Variants in EPS8 observed in about 807,000 individuals in gnomAD.
EPS8 encodes the protein EGFR pathway substrate 8, signaling adaptor.
A neutral mutation model predicts 103.8 loss-of-function variants in EPS8; 42 were observed. That is an observed-to-expected ratio of 0.40 (90% CI 0.32 to 0.52). The LOEUF (loss-of-function observed/expected upper bound fraction) is 0.52. Ranked by LOEUF, EPS8 falls within the 20% of genes least tolerant of loss-of-function variation. The probability of loss-of-function intolerance (pLI) is 0.40; values close to 1 mark genes in which losing one functional copy is unlikely to be tolerated. For synonymous variants in EPS8, 344 were observed against 344.6 expected, an observed-to-expected ratio of 1.00 and a Z score of 0.02; for missense variants, 969 against 1,005.1, an observed-to-expected ratio of 0.96 and a Z score of 0.49.
chr12:15,649,922 G>A (rs1945382580), intron 14 of EPS8, among the ~76,000 whole-genome samples: 1 of 152,046 alleles, frequency 6.6e-6, no homozygotes, highest in Non-Finnish European at 1.5e-5. Flanking sequence ...AGGATTTCGG[G>A]AAGATCTAGT....
intron 17 of EPS8, among the ~76,000 whole-genome samples, chr12:15,636,099 G>A (rs1409056470): frequency 1.3e-5 from 2 of 152,090 alleles, no homozygotes; most frequent in African/African-American, 4.8e-5. Flanking sequence ...GGTAATTCTA[G>A]CAGACGAGCA....
chr12:15,784,686 T>C lies in EPS8; in HGVS notation c.-22+4475A>G, dbSNP rs1335745257. On this transcript the variant is annotated intron_variant, in intron 1 of 20. Transcript: ENST00000281172. The surrounding 1 kb of genome is among the most constrained non-coding windows in gnomAD (Gnocchi z 4.0). ...TTATGTCTACCCAAAAACCTGCATG[T>C]GAATATTCATAGCAGCTTCGTTCAT... 6.6e-6 allele frequency among the ~76,000 whole-genome samples: 1 copy of C among 152,124 alleles called. No individual in the cohort carries two copies. The highest frequency in any genetic ancestry group is 2.4e-5 in the African/African-American group (1 of 41,430).
rs1353138333 is a variant in EPS8, at chr12:15,757,082, T to C, written c.-22+32079A>G. ...TTTTCATCCATAAGCTCCAAGTGGA[T>C]AATGATCATATCTCATAAATTTTAT... On this transcript the variant is annotated intron_variant, in intron 1 of 20. Coordinates refer to ENST00000281172, the MANE Select transcript of EPS8 (RefSeq NM_004447.6). This position sits in a 1 kb window ranked among gnomAD's most constrained non-coding sequence, Gnocchi z 4.1. Among the ~76,000 whole-genome samples, 1 of 152,204 alleles carries C rather than the reference T, an allele frequency of 6.6e-6. No homozygotes were observed. The highest frequency in any genetic ancestry group is 1.5e-5 in the Non-Finnish European group (1 of 68,026).
At position 15,745,141 on chromosome 12, in the gene EPS8, G is replaced by A. The variant is rs547222004; in HGVS notation, c.-22+44020C>T. On this transcript the variant is annotated intron_variant, in intron 1 of 20. Coordinates refer to ENST00000281172, the MANE Select transcript of EPS8 (RefSeq NM_004447.6). This position sits in a 1 kb window ranked among gnomAD's most constrained non-coding sequence, Gnocchi z 4.6. ...CTCCCAAAGTGCTGGTATTATAGGC[G>A]TGAGCCACCATGCCTGGCCAATTGT... 6.6e-6 allele frequency among the ~76,000 whole-genome samples: 1 copy of A among 152,284 alleles called. No homozygotes were observed. The highest frequency in any genetic ancestry group is 2.4e-5 in the African/African-American group (1 of 41,552).
intron 1 of EPS8, among the ~76,000 whole-genome samples, chr12:15,773,624 C>T (rs1348126700): frequency 6.6e-6 from 1 of 151,794 alleles, no homozygotes; most frequent in Non-Finnish European, 1.5e-5. Flanking sequence ...AGTACAAGTA[C>T]TTATTAGAAA....
At chr12:15,682,826 A>G (rs1234368600) in intron 2 of EPS8, 67 bp downstream of exon 2, 7 of 867,258 alleles carry the variant, frequency 8.1e-6, no homozygotes, top group Non-Finnish European at 1.3e-5. Context: ...CACTAAAAAT[A>G]TAAAACAATT....
rs1259036688 is a variant in EPS8 at position 15,702,334 on chromosome 12, T to C, written c.-21-19362A>G. ...TCTATCGTTTACACAGGCGACAAGG[T>C]GAATAAAATTCTAGCACTGGAAATT... On this transcript the variant is annotated intron_variant, in intron 1 of 20. Coordinates refer to ENST00000281172, the MANE Select transcript of EPS8 (RefSeq NM_004447.6). The surrounding 1 kb of genome is among the most constrained non-coding windows in gnomAD (Gnocchi z 5.1). 6.6e-6 allele frequency among the ~76,000 whole-genome samples: 1 copy of C among 152,230 alleles called. No individual in the cohort carries two copies. Among genetic ancestry groups the C allele is most frequent in the African/African-American group, 2.4e-5 (1 of 41,464 alleles).
chr12:15,646,780 T>C (rs957197945), intron 15 of EPS8, among the ~76,000 whole-genome samples: 5 of 152,246 alleles, frequency 3.3e-5, no homozygotes, highest in South Asian at 4.1e-4. Context: ...CTGTTTTCTT[T>C]AAAAGCTACA....
intron 4 of EPS8, 99 bp downstream of exon 4, chr12:15,670,757 C>T: frequency 3.7e-6 from 3 of 803,846 alleles, no homozygotes; most frequent in Non-Finnish European, 4.0e-6. Context: ...ACTTAAAATA[C>T]ATCATAAGAA....
At chr12:15,672,647 T>C (rs1248277613) in intron 3 of EPS8, 3 of 393,916 alleles carry the variant, frequency 7.6e-6, no homozygotes, top group Non-Finnish European at 1.3e-5. Context: ...TTCTGATTAG[T>C]TGTTGAGGAT....
chr12:15,758,271 C>T (rs1280075570), intron 1 of EPS8, among the ~76,000 whole-genome samples: 1 of 152,158 alleles, frequency 6.6e-6, no homozygotes, highest in African/African-American at 2.4e-5. Context: ...CTTAGTGTAG[C>T]TAGTTTTGAA....
At chr12:15,655,384 C>A (rs759392310) in intron 12 of EPS8, among the ~76,000 whole-genome samples, 1 of 152,164 alleles carries the variant, frequency 6.6e-6, no homozygotes, top group Non-Finnish European at 1.5e-5. Flanking sequence ...TATGCATATT[C>A]GTAACACATT....
At chr12:15,644,002 A>T (rs1389278623) in intron 15 of EPS8, among the ~76,000 whole-genome samples, 2 of 152,232 alleles carry the variant, frequency 1.3e-5, no homozygotes, top group Admixed American at 1.3e-4. Context: ...AACAGTGAAT[A>T]TACTTCGTAT....
At chr12:15,750,720 A>G (rs1946923112) in intron 1 of EPS8, among the ~76,000 whole-genome samples, 1 of 152,168 alleles carries the variant, frequency 6.6e-6, no homozygotes, top group Admixed American at 6.5e-5. Context: ...AACCATAGCT[A>G]TTATTTATAT....
intron 17 of EPS8, among the ~76,000 whole-genome samples, chr12:15,637,853 A>C (rs1450131715): frequency 6.6e-6 from 1 of 152,166 alleles, no homozygotes; most frequent in Admixed American, 6.5e-5. Context: ...ATGGCAGATG[A>C]CCTGTGGACT....
chr12:15,658,366 A>G lies in EPS8; in HGVS notation c.1026+131T>C. On this transcript the variant is annotated intron_variant, in intron 11 of 20. Coordinates refer to ENST00000281172, the MANE Select transcript of EPS8 (RefSeq NM_004447.6). ...AATTTGCTGTTTTAACTGAAGGCAA[A>G]TCAAAACATACACACCCCCACAAAA... The G allele has an allele frequency of 5.4e-6, 4 of 740,468 alleles. No homozygotes were observed. In the South Asian group the frequency reaches 7.7e-5, roughly 14 times the overall value. The allele number at this position is 740,468 out of a possible 1,614,324, so 45.9% of individuals were successfully genotyped here. A position where few individuals can be genotyped will look rare whatever the true frequency, so the allele number is the denominator to read the frequency against.
chr12:15,787,514 G>T lies in EPS8; in HGVS notation c.-22+1647C>A, dbSNP rs58072303. Among the ~76,000 whole-genome samples the T allele has an allele frequency of 0.02, 2,998 of 152,208 alleles. 97 individuals carry two copies. Among genetic ancestry groups the T allele is most frequent in the African/African-American group, 0.069 (2,845 of 41,516 alleles). ...AAGAGTGGGGCTACTAACAGTATAA[G>T]TTAAATTACACTTACTGGAAATTAC... On this transcript the variant is annotated intron_variant, in intron 1 of 20. Transcript: ENST00000281172. This position sits in a 1 kb window ranked among gnomAD's most constrained non-coding sequence, Gnocchi z 4.9.
Position 15,626,151 on chromosome 12 carries a change from C to T in EPS8, c.2045-1744G>A, listed in dbSNP as rs1023571862. Among the ~76,000 whole-genome samples, 4 of 152,092 alleles carry T rather than the reference C, an allele frequency of 2.6e-5. 1 individual carries two copies. The highest frequency in any genetic ancestry group is 5.9e-5 in the Non-Finnish European group (4 of 68,022). On this transcript the variant is annotated intron_variant, in intron 18 of 20. Coordinates refer to ENST00000281172, the MANE Select transcript of EPS8 (RefSeq NM_004447.6). ...CTTGATTCCTGTCCTATACTACATCCAATCCATCAGCAGATCCTGTTAGTC... is the reference window on the plus strand; with the variant it reads ...CTTGATTCCTGTCCTATACTACATCTAATCCATCAGCAGATCCTGTTAGTC...
At chr12:15,636,747 C>T (rs916267820) in intron 17 of EPS8, among the ~76,000 whole-genome samples, 3 of 152,124 alleles carry the variant, frequency 2.0e-5, no homozygotes, top group Non-Finnish European at 4.4e-5. Context: ...ACATCTAATT[C>T]CCTTATTTCC....
Sources: gnomAD v4.1 joint callset for allele counts (sites outside exome capture counted in the v4.1 genomes callset) on GRCh38, gnomAD v4.1.1 for gene constraint, Gnocchi (gnomAD v3.1) non-coding constraint, MANE v1.5 for transcripts, NCBI Gene and HGNC (gene_info 2026-07-23, HGNC 2026-07-21) for gene names.